The following PDPR variants were observed in gnomAD, a reference collection of about 807,000 sequenced individuals.
PDPR encodes pyruvate dehydrogenase phosphatase regulatory subunit.
PDPR carries 50 observed loss-of-function variants against 102.2 expected under a neutral mutation model. The observed-to-expected ratio is 0.49, with a 90% CI of 0.39 to 0.62. The LOEUF is 0.62. Among genes scored for constraint, PDPR ranks in the 20% least tolerant of loss-of-function variants. PDPR has a pLI of 0.00. For missense variants in PDPR, 625 were observed against 1,098.2 expected (o/e 0.57, Z 6.09); for synonymous variants, 259 against 406.0 (o/e 0.64, Z 4.35).
At chr16:70,125,379 A>AAAAC (rs112477483) in intron 3 of PDPR, among the ~76,000 whole-genome samples, 3,350 of 132,420 alleles carry the variant, frequency 0.025, 41 homozygotes, top group African/African-American at 0.085. Context: ...CGTCTCTAAA[A>AAAAC]AAACAAACAA....
At position 70,156,678 on chromosome 16, in the gene PDPR, C is replaced by T; in HGVS notation, c.2439C>T (p.Cys813=). 1 of 1,614,108 alleles carries T rather than the reference C, an allele frequency of 6.2e-7. No homozygotes were observed. Among genetic ancestry groups the T allele is most frequent in the Non-Finnish European group, 8.5e-7 (1 of 1,179,918 alleles). The stretch of plus-strand genomic sequence containing the variant: ...GCTACAGCCTGGAGCGCCACGTTTG[C>T]CTGGGCTTTGTGCACAATTTTTCTG... ...AYSYSLERHV[C]LGFVHNFSED... Residue 813 remains cysteine, a synonymous_variant, in exon 19 of 19, where the codon TGC becomes TGT. Coordinates refer to ENST00000288050, the MANE Select transcript of PDPR (RefSeq NM_017990.5).
intron 9 of PDPR, among the ~76,000 whole-genome samples, chr16:70,133,845 T>G (rs1964816366): frequency 6.6e-6 from 1 of 152,206 alleles, no homozygotes; most frequent in Non-Finnish European, 1.5e-5. Flanking sequence ...GTGATTCTCC[T>G]GCCTCAGCCT....
intron 18 of PDPR, 48 bp from the exon 19 acceptor site, chr16:70,156,427 G>A (rs767715766): frequency 3.2e-5 from 51 of 1,599,234 alleles, no homozygotes; most frequent in Non-Finnish European, 3.9e-5. Context: ...TCTCTGTGCC[G>A]AGGGTCTGAG....
At chr16:70,118,222 C>T (rs1395915720) in intron 2 of PDPR, among the ~76,000 whole-genome samples, 12 of 152,284 alleles carry the variant, frequency 7.9e-5, no homozygotes, top group Admixed American at 2.0e-4. Context: ...ATCCAGGGCC[C>T]TTGGGGGAGA....
rs1313425430 is a variant in PDPR at position 70,157,121 on chromosome 16, C to G, written c.*242C>G. 2 of 702,656 alleles carry G rather than the reference C, an allele frequency of 2.8e-6. No homozygotes were observed. Among genetic ancestry groups the G allele is most frequent in the East Asian group, 3.0e-5 (1 of 33,690 alleles). The allele number at this position is 702,656 out of a possible 1,614,324, so 43.5% of individuals were successfully genotyped here. ...TCTTCTTCCCTTCCCACCCCTCACTCAGCTTCTCGTGGTGGCAGGAGGTAT... is the reference window on the plus strand; with the variant it reads ...TCTTCTTCCCTTCCCACCCCTCACTGAGCTTCTCGTGGTGGCAGGAGGTAT... On this transcript the variant is annotated 3_prime_UTR_variant, in exon 19 of 19. Transcript: ENST00000288050.
intron 17 of PDPR, 59 bp downstream of exon 17, chr16:70,148,612 C>G (rs1417491311): frequency 1.4e-6 from 2 of 1,459,358 alleles, no homozygotes; most frequent in African/African-American, 2.8e-5. Context: ...CTTCCCTTCC[C>G]TTCCCACAAC....
chr16:70,131,841 CT>C (rs1964569322), intron 8 of PDPR: 6 of 1,411,116 alleles, frequency 4.3e-6, no homozygotes, highest in Non-Finnish European at 5.6e-6. Context: ...TGCAACCCCC[CT>C]CTCTGTTAAA....
chr16:70,126,958 C>T lies in PDPR; in HGVS notation c.228-302C>T, dbSNP rs1597312893. ...CTTTTGAACTCAAGCGCTCCTCTGG[C>T]CTTAGCCTCCCAAGTAGCTGGGACT... On this transcript the variant is annotated intron_variant, in intron 3 of 18. Coordinates refer to ENST00000288050, the MANE Select transcript of PDPR (RefSeq NM_017990.5). Among the ~76,000 whole-genome samples the T allele has an allele frequency of 2.0e-5, 3 of 152,384 alleles. No homozygotes were observed. The East Asian group carries it at 5.8e-4, about 29-fold the overall frequency.
intron 18 of PDPR, among the ~76,000 whole-genome samples, chr16:70,154,326 T>G (rs1966879704): frequency 6.6e-6 from 1 of 152,212 alleles, no homozygotes; most frequent in Non-Finnish European, 1.5e-5. Flanking sequence ...AGACTCCGTC[T>G]CAGAAAAAAG....
At chr16:70,150,207 G>A (rs1353935979) in intron 17 of PDPR, among the ~76,000 whole-genome samples, 9 of 142,330 alleles carry the variant, frequency 6.3e-5, no homozygotes, top group Non-Finnish European at 1.2e-4. Flanking sequence ...GGGTTCAAGT[G>A]ATTCTCCTGC....
In PDPR at chr16:70,131,535, G is replaced by A. The variant is rs1405221756; in HGVS notation, c.847+116G>A. The A allele has an allele frequency of 2.0e-5, 24 of 1,185,534 alleles. No individual in the cohort carries two copies. In the African/African-American group the frequency reaches 3.4e-4, roughly 17 times the overall value. The allele number at this position is 1,185,534 out of a possible 1,614,324, so 73.4% of individuals were successfully genotyped here. Reference sequence around the variant, plus strand: ...TCTGAAAGAGTCTTTCATTTCTAGAGCATGTTACAGGGAGGTGGACCCAAT... The same window carrying A: ...TCTGAAAGAGTCTTTCATTTCTAGAACATGTTACAGGGAGGTGGACCCAAT... On this transcript the variant is annotated intron_variant, in intron 8 of 18. Coordinates refer to ENST00000288050, the MANE Select transcript of PDPR (RefSeq NM_017990.5).
At chr16:70,116,769 C>T (rs576216107) in intron 2 of PDPR, among the ~76,000 whole-genome samples, 7 of 151,910 alleles carry the variant, frequency 4.6e-5, no homozygotes, top group African/African-American at 7.2e-5. Context: ...CTCCAACTTC[C>T]GACCTCAAAT....
chr16:70,129,962 C>A (rs556372643), intron 6 of PDPR, among the ~76,000 whole-genome samples: 2 of 152,274 alleles, frequency 1.3e-5, no homozygotes, highest in African/African-American at 4.8e-5. Flanking sequence ...TTTACATAGT[C>A]TCAGGATGTG....
intron 6 of PDPR, among the ~76,000 whole-genome samples, chr16:70,129,693 C>T (rs1239126455): frequency 6.6e-6 from 1 of 152,278 alleles, no homozygotes; most frequent in East Asian, 1.9e-4. Context: ...CGCCACAGGA[C>T]TTGAGAAGCT....
chr16:70,118,042 G>A (rs1190007868), intron 2 of PDPR, among the ~76,000 whole-genome samples: 4 of 150,196 alleles, frequency 2.7e-5, no homozygotes, highest in East Asian at 3.9e-4. Flanking sequence ...GCAGTGAGCC[G>A]AGATCACACC....
intron 8 of PDPR, chr16:70,131,948 A>C (rs1411878310): frequency 6.6e-7 from 1 of 1,505,076 alleles, no homozygotes; most frequent in Admixed American, 2.0e-5. Context: ...CTCCACTGAA[A>C]GGCTAAATGG....
chr16:70,152,301 C>G (rs1485281316), intron 17 of PDPR, among the ~76,000 whole-genome samples: 1 of 152,268 alleles, frequency 6.6e-6, no homozygotes, highest in East Asian at 1.9e-4. Flanking sequence ...AGTGAATCAT[C>G]TGAGGTCAGG....
At chr16:70,142,178 A>G in intron 11 of PDPR, 56 bp from the exon 12 acceptor site, 3 of 1,574,966 alleles carry the variant, frequency 1.9e-6, no homozygotes, top group South Asian at 2.3e-5. Context: ...GACATGGGCT[A>G]CTCAGGTCTA....
chr16:70,154,585 C>T (rs1240783236), intron 18 of PDPR, among the ~76,000 whole-genome samples: 1 of 152,252 alleles, frequency 6.6e-6, no homozygotes, highest in African/African-American at 2.4e-5. Context: ...TAACATGCCA[C>T]GAATATTTGT....
Sources: allele counts gnomAD v4.1 joint callset (sites outside exome capture counted in the v4.1 genomes callset), GRCh38; gene constraint gnomAD v4.1.1; transcripts MANE v1.5; gene names NCBI Gene and HGNC (gene_info 2026-07-23, HGNC 2026-07-21).